CYP2C19: variants seen among roughly 807,000 people sequenced by gnomAD.
The protein encoded by CYP2C19 is cytochrome P450 family 2 subfamily C member 19, also known as cytochrome P450 2C19.
In CYP2C19, 59 loss-of-function variants were observed where a neutral mutation model predicts 40.9. The observed-to-expected ratio is 1.44, with a 90% CI of 1.17 to 1.79. CYP2C19 has a LOEUF of 1.79. Ranked by LOEUF, CYP2C19 falls within the 40% of genes most tolerant of loss-of-function variation. The pLI is 0.00. For synonymous variants in CYP2C19, 253 were observed against 208.7 expected (o/e 1.21, Z -1.83); for missense variants, 754 against 596.9 (o/e 1.26, Z -2.74).
intron 6 of CYP2C19, among the ~76,000 whole-genome samples, chr10:94,830,700 TTATATTACTTA>T: frequency 6.6e-6 from 1 of 152,320 alleles, no homozygotes; most frequent in South Asian, 2.1e-4. Context: ...TTATTTTTAT[TTATATTACTTA>T]TATATACTAA....
At chr10:94,769,152 G>A (rs1467453655) in intron 1 of CYP2C19, among the ~76,000 whole-genome samples, 4 of 152,174 alleles carry the variant, frequency 2.6e-5, no homozygotes, top group Admixed American at 2.6e-4. Flanking sequence ...GCAAAGCTGG[G>A]CCTTTGACCT....
intron 6 of CYP2C19, among the ~76,000 whole-genome samples, chr10:94,821,748 T>G (rs1284193746): frequency 6.6e-6 from 1 of 152,116 alleles, no homozygotes; most frequent in Non-Finnish European, 1.5e-5. Flanking sequence ...GAGTTAGGCC[T>G]TTTTTTGAAC....
chr10:94,790,395 G>A (rs1053056869), intron 5 of CYP2C19, among the ~76,000 whole-genome samples: 2 of 152,126 alleles, frequency 1.3e-5, no homozygotes, highest in Non-Finnish European at 2.9e-5. Context: ...GAATAGGAGT[G>A]GTGAGAGAGG....
At chr10:94,821,035 A>G (rs1849112652) in intron 6 of CYP2C19, among the ~76,000 whole-genome samples, 1 of 152,178 alleles carries the variant, frequency 6.6e-6, no homozygotes, top group Admixed American at 6.6e-5. Flanking sequence ...GTGAGCCAAG[A>G]TTGTGCCATT....
intron 1 of CYP2C19, 83 bp from the exon 2 acceptor site, chr10:94,774,975 A>G: frequency 7.0e-7 from 1 of 1,421,548 alleles, no homozygotes; most frequent in Non-Finnish European, 9.7e-7. Context: ...ATACAAATAC[A>G]ATGAAAATAT....
chr10:94,828,964 T>G (rs1849279605), intron 6 of CYP2C19, among the ~76,000 whole-genome samples: 2 of 152,058 alleles, frequency 1.3e-5, no homozygotes, highest in Non-Finnish European at 2.9e-5. Flanking sequence ...TTGAAAATTC[T>G]TTTCTTTAAG....
In CYP2C19 at chr10:94,826,317, A is replaced by C. The variant is rs559012967; in HGVS notation, c.961+5680A>C. On this transcript the variant is annotated intron_variant, in intron 6 of 8. Transcript: ENST00000371321. Reference sequence around the variant, plus strand: ...ATGGAATGTTCTTCCATTTGTTTGTATCCTCTTTTATTTCCTTGATCAGTG... The same window carrying C: ...ATGGAATGTTCTTCCATTTGTTTGTCTCCTCTTTTATTTCCTTGATCAGTG... Among the ~76,000 whole-genome samples the C allele has an allele frequency of 2.4e-3, 360 of 152,030 alleles. 1 individual carries two copies. The highest frequency in any genetic ancestry group is 7.6e-3 in the African/African-American group (313 of 41,448).
At chr10:94,807,051 C>T (rs1848845157) in intron 5 of CYP2C19, among the ~76,000 whole-genome samples, 1 of 152,112 alleles carries the variant, frequency 6.6e-6, no homozygotes, top group African/African-American at 2.4e-5. Flanking sequence ...ATCCCCCTTA[C>T]TTCTCTACCT....
intron 3 of CYP2C19, chr10:94,776,325 T>C (rs1376978778): frequency 6.6e-6 from 1 of 152,198 alleles, no homozygotes; most frequent in Non-Finnish European, 1.5e-5. Context: ...TCATTTTGCT[T>C]ATCTCTTTCC....
chr10:94,797,201 C>T lies in CYP2C19; in HGVS notation c.819+15204C>T, dbSNP rs761644098. ...AATTTATTGAGAGTTTTTAGCATGA[C>T]GGGTTATTGAATTTTGTTGAAGGCC... On this transcript the variant is annotated intron_variant, in intron 5 of 8. Coordinates refer to ENST00000371321, the MANE Select transcript of CYP2C19 (RefSeq NM_000769.4). Among the ~76,000 whole-genome samples, 36 of 151,790 alleles carry T rather than the reference C, an allele frequency of 2.4e-4. 1 individual carries two copies. The highest frequency in any genetic ancestry group is 2.1e-3 in the East Asian group (11 of 5,160).
intron 1 of CYP2C19, among the ~76,000 whole-genome samples, chr10:94,763,319 G>A (rs374799851): frequency 4.6e-5 from 7 of 152,268 alleles, no homozygotes; most frequent in African/African-American, 1.7e-4. Flanking sequence ...GGAAGCAGCT[G>A]TGGGTTTAGG....
chr10:94,824,726 C>G (rs987794261), intron 6 of CYP2C19, among the ~76,000 whole-genome samples: 2 of 150,998 alleles, frequency 1.3e-5, no homozygotes, highest in African/African-American at 4.9e-5. Context: ...TACATATGTA[C>G]ACATGTGCCA....
chr10:94,811,448 G>A (rs1358360046), intron 5 of CYP2C19, among the ~76,000 whole-genome samples: 1 of 152,032 alleles, frequency 6.6e-6, no homozygotes, highest in African/African-American at 2.4e-5. Context: ...TTAAATTTCT[G>A]TCTCATTGAT....
chr10:94,793,803 A>T (rs1437135157), intron 5 of CYP2C19, among the ~76,000 whole-genome samples: 1 of 152,074 alleles, frequency 6.6e-6, no homozygotes, highest in African/African-American at 2.4e-5. Flanking sequence ...GCTACTCGGG[A>T]GCCAGGTACC....
chr10:94,841,338 G>A (rs565298690), intron 6 of CYP2C19, among the ~76,000 whole-genome samples: 7 of 152,304 alleles, frequency 4.6e-5, no homozygotes, highest in Admixed American at 2.6e-4. Context: ...CAGGAGCACA[G>A]CAGACACCCT....
chr10:94,803,162 TTTC>T (rs1330122144), intron 5 of CYP2C19, among the ~76,000 whole-genome samples: 2 of 152,184 alleles, frequency 1.3e-5, no homozygotes, highest in African/African-American at 4.8e-5. Context: ...CTTATGCTGG[TTTC>T]TTCTTATTTG....
chr10:94,773,081 A>G (rs761144949), intron 1 of CYP2C19, among the ~76,000 whole-genome samples: 72 of 152,264 alleles, frequency 4.7e-4, no homozygotes, highest in Non-Finnish European at 8.7e-4. Flanking sequence ...GCACCCGGCC[A>G]TTGGTCACTT....
intron 1 of CYP2C19, among the ~76,000 whole-genome samples, chr10:94,764,439 A>G (rs1226142854): frequency 4.6e-5 from 7 of 152,138 alleles, no homozygotes; most frequent in Non-Finnish European, 8.8e-5. Context: ...CAGAGCACTG[A>G]TTGGTGTGTT....
intron 5 of CYP2C19, among the ~76,000 whole-genome samples, chr10:94,802,671 C>T (rs993554555): frequency 6.6e-6 from 1 of 152,098 alleles, no homozygotes; most frequent in African/African-American, 2.4e-5. Flanking sequence ...GCAGTTTCTT[C>T]ACAGAGTCAA....
Sources: gnomAD v4.1 joint callset for allele counts (sites outside exome capture counted in the v4.1 genomes callset) on GRCh38, gnomAD v4.1.1 for gene constraint, MANE v1.5 for transcripts, NCBI Gene and HGNC (gene_info 2026-07-23, HGNC 2026-07-21) for gene names.